The following RELN variants were observed in gnomAD, a reference collection of about 807,000 sequenced individuals.
The protein encoded by RELN is reelin.
RELN carries 108 observed loss-of-function variants against 427.6 expected under a neutral mutation model. That is an observed-to-expected ratio of 0.25 (90% CI 0.22 to 0.30). RELN has a LOEUF of 0.30. RELN is among the 10% of genes least tolerant of loss of function. The pLI, the probability that RELN is intolerant of heterozygous loss-of-function variation, is 1.00. For missense variants in RELN, 3,715 were observed against 4,302.8 expected (o/e 0.86, Z 3.82); for synonymous variants, 1,524 against 1,513.4 (o/e 1.01, Z -0.16).
chr7:103,745,013 T>A (rs1790779625), intron 6 of RELN, among the ~76,000 whole-genome samples: 1 of 152,190 alleles, frequency 6.6e-6, no homozygotes, highest in African/African-American at 2.4e-5. Context: ...GCAAAAATCC[T>A]CAGTAAAATA....
intron 8 of RELN, among the ~76,000 whole-genome samples, chr7:103,702,362 TTA>T (rs1383089420): frequency 2.0e-5 from 3 of 152,176 alleles, no homozygotes; most frequent in Non-Finnish European, 2.9e-5. Flanking sequence ...TGTGCTTCCT[TTA>T]TGTCTTACAC....
rs1796697677 is a variant in RELN, at chr7:103,968,334, G to C, written c.226+20797C>G. Among the ~76,000 whole-genome samples, 1 of 152,074 alleles carries C rather than the reference G, an allele frequency of 6.6e-6. No homozygotes were observed. The highest frequency in any genetic ancestry group is 1.5e-5 in the Non-Finnish European group (1 of 68,010). On this transcript the variant is annotated intron_variant, in intron 1 of 64. Coordinates refer to ENST00000428762, the MANE Select transcript of RELN (RefSeq NM_005045.4). This position sits in a 1 kb window ranked among gnomAD's most constrained non-coding sequence, Gnocchi z 4.3. Reference sequence around the variant, plus strand: ...TTAAATTCTGCTTAATGTGAACTCAGAAGTAAGAGAACTAAAGAAGAGTAT... The same window carrying C: ...TTAAATTCTGCTTAATGTGAACTCACAAGTAAGAGAACTAAAGAAGAGTAT...
intron 10 of RELN, among the ~76,000 whole-genome samples, chr7:103,684,207 A>G (rs1038035245): frequency 5.3e-5 from 8 of 152,176 alleles, no homozygotes; most frequent in African/African-American, 1.7e-4. Flanking sequence ...GTAGGGGGCC[A>G]TATTAGGGTT....
At chr7:103,833,812 T>C (rs920420006) in intron 2 of RELN, 140 bp from the exon 3 acceptor site, 3 of 796,240 alleles carry the variant, frequency 3.8e-6, no homozygotes, top group Non-Finnish European at 6.4e-6. Flanking sequence ...ATGTAATTTT[T>C]CACTTTTTAT....
intron 25 of RELN, 122 bp from the exon 26 acceptor site, chr7:103,594,614 T>C: frequency 9.5e-7 from 1 of 1,047,308 alleles, no homozygotes; most frequent in Non-Finnish European, 1.4e-6. Context: ...CTCAATATTT[T>C]CCAAAAGCCC....
chr7:103,813,524 T>A (rs1563028418), intron 3 of RELN, among the ~76,000 whole-genome samples: 2 of 128,372 alleles, frequency 1.6e-5, no homozygotes, highest in African/African-American at 5.1e-5. Flanking sequence ...TATACTTAAT[T>A]TAAGAATATT....
rs540096511 is a variant in RELN, at chr7:103,797,334, A to G, written c.474-20707T>C. Reference sequence around the variant, plus strand: ...TTGGCTAGGCGGTCTCGAACTCCCAACCTCAGGTGATCCACCTGGCTTGGC... The same window carrying G: ...TTGGCTAGGCGGTCTCGAACTCCCAGCCTCAGGTGATCCACCTGGCTTGGC... On this transcript the variant is annotated intron_variant, in intron 3 of 64. Transcript: ENST00000428762. Among the ~76,000 whole-genome samples the G allele has an allele frequency of 3.3e-3, 506 of 152,264 alleles. 7 individuals are homozygous for G. Among genetic ancestry groups the G allele is most frequent in the African/African-American group, 0.012 (482 of 41,564 alleles).
intron 29 of RELN, among the ~76,000 whole-genome samples, chr7:103,574,912 G>A (rs1045736303): frequency 6.6e-6 from 1 of 152,174 alleles, no homozygotes; most frequent in Non-Finnish European, 1.5e-5. Context: ...AACATCCAAA[G>A]GTCACTGTGC....
At chr7:103,660,345 C>T (rs1433354585) in intron 12 of RELN, among the ~76,000 whole-genome samples, 1 of 152,108 alleles carries the variant, frequency 6.6e-6, no homozygotes, top group African/African-American at 2.4e-5. Flanking sequence ...AATAGACAAA[C>T]CAGTTCAGAG....
At position 103,566,655 on chromosome 7, in the gene RELN, G is replaced by A; in HGVS notation, c.4693C>T (p.Pro1565Ser). The A allele has an allele frequency of 6.2e-7, 1 of 1,614,128 alleles. No individual in the cohort carries two copies. Among genetic ancestry groups the A allele is most frequent in the Non-Finnish European group, 8.5e-7 (1 of 1,180,000 alleles). Residue 1565 changes from proline to serine, a missense_variant, in exon 32 of 65, where the codon CCA becomes TCA. Pro to Ser is a moderately conservative substitution (Grantham distance 74, BLOSUM62 -1). Around this residue, in one of 4 missense-constraint regions of RELN, gnomAD observed 2,208 missense variants for 2,361.7 expected, o/e 0.93. Transcript: ENST00000428762. ...GTTGCAGGTGTCTTCGCGTCCTGTGGCAGGTCAATGGAAATGATCTGTGGT... is the reference window on the plus strand; with the variant it reads ...GTTGCAGGTGTCTTCGCGTCCTGTGACAGGTCAATGGAAATGATCTGTGGT... ...LEPQIISIDL[P>S]QDAKTPATAF... is the part of the protein sequence containing the mutation.
intron 55 of RELN, among the ~76,000 whole-genome samples, chr7:103,497,168 A>C (rs1258589099): frequency 6.6e-6 from 1 of 151,404 alleles, no homozygotes; most frequent in Non-Finnish European, 1.5e-5. Flanking sequence ...TATAAAGTTT[A>C]TCTCTTCTTG....
intron 1 of RELN, among the ~76,000 whole-genome samples, chr7:103,974,219 TA>T (rs1366541830): frequency 1.3e-5 from 2 of 152,306 alleles, no homozygotes; most frequent in African/African-American, 4.8e-5. Context: ...TCATATGCAA[TA>T]ACTCACTGAA....
At position 103,472,050 on chromosome 7, in the gene RELN, A is replaced by C. The variant is rs183193019; in HGVS notation, c.*762T>G. ...AAATGGCAGTTACTGTTAGTAAATC[A>C]GCCACAGAACACTTAAAAAAAGATC... On this transcript the variant is annotated 3_prime_UTR_variant, in exon 65 of 65. Transcript: ENST00000428762. 5.9e-5 allele frequency: 9 copies of C among 152,656 alleles called. No individual in the cohort carries two copies. The highest frequency in any genetic ancestry group is 5.9e-4 in the Admixed American group (9 of 15,304). 9.5% of individuals were successfully genotyped at this position (152,656 alleles called of 1,614,324 possible).
intron 6 of RELN, among the ~76,000 whole-genome samples, chr7:103,732,181 ATGGGAGTGTATATCTT>A (rs1487111736): frequency 6.6e-6 from 1 of 152,138 alleles, no homozygotes; most frequent in Non-Finnish European, 1.5e-5. Flanking sequence ...AGTTGAAATC[ATGGGAGTGTATATCTT>A]TAGGGTCCTC....
At chr7:103,479,774 A>G (rs765596654) in intron 63 of RELN, among the ~76,000 whole-genome samples, 4 of 152,182 alleles carry the variant, frequency 2.6e-5, no homozygotes, top group Non-Finnish European at 1.5e-5. Flanking sequence ...AATATTGTTG[A>G]AAGTGCTAAG....
At chr7:103,906,315 T>A (rs1171330724) in intron 2 of RELN, among the ~76,000 whole-genome samples, 3 of 152,154 alleles carry the variant, frequency 2.0e-5, no homozygotes, top group Admixed American at 6.6e-5. Context: ...CTTATGCTCT[T>A]TTTGCCTTGG....
intron 2 of RELN, among the ~76,000 whole-genome samples, chr7:103,913,957 G>C (rs1795424971): frequency 6.6e-6 from 1 of 152,142 alleles, no homozygotes; most frequent in South Asian, 2.1e-4. Flanking sequence ...TGTAAGACCT[G>C]AGCTATGGAA....
chr7:103,639,426 G>GTCTC (rs1832652006), intron 17 of RELN, among the ~76,000 whole-genome samples: 2 of 145,428 alleles, frequency 1.4e-5, no homozygotes, highest in South Asian at 4.3e-4. Context: ...TTGAGATGGA[G>GTCTC]TCTCACTCTG....
intron 1 of RELN, among the ~76,000 whole-genome samples, chr7:103,952,612 T>C (rs749620656): frequency 3.3e-5 from 5 of 152,122 alleles, no homozygotes; most frequent in African/African-American, 9.7e-5. Context: ...CTCTGGGGTA[T>C]TGAAATGTGT....
Sources: gnomAD v4.1 joint callset for allele counts (sites outside exome capture counted in the v4.1 genomes callset) on GRCh38, gnomAD v4.1.1 for gene constraint, gnomAD v4.1.1 regional missense constraint, Gnocchi (gnomAD v3.1) non-coding constraint, MANE v1.5 for transcripts, NCBI Gene and HGNC (gene_info 2026-07-23, HGNC 2026-07-21) for gene names.